Variants in SCHIP1 observed in about 807,000 individuals in gnomAD.
The protein encoded by SCHIP1 is schwannomin-interacting protein 1.
In SCHIP1, 8 loss-of-function variants were observed where a neutral mutation model predicts 29.7. The observed-to-expected ratio is 0.27, with a 90% CI of 0.16 to 0.49. The LOEUF is 0.49. Ranked by LOEUF, SCHIP1 falls within the 20% of genes least tolerant of loss-of-function variation. The probability of loss-of-function intolerance (pLI) is 0.99; values close to 1 mark genes in which losing one functional copy is unlikely to be tolerated. For synonymous variants in SCHIP1, 76 were observed against 94.9 expected (o/e 0.80, Z 1.16); for missense variants, 193 against 294.6 (o/e 0.66, Z 2.52).
At chr3:159,792,067 A>AT in the SCHIP1 span, among the ~76,000 whole-genome samples, 1 of 152,178 alleles carries the variant, frequency 6.6e-6, no homozygotes, top group Non-Finnish European at 1.5e-5. Context: ...TAGAAAAAAA[A>AT]TGACTCATTT....
the SCHIP1 span, among the ~76,000 whole-genome samples, chr3:159,346,661 A>G: frequency 6.6e-6 from 1 of 152,142 alleles, no homozygotes. Context: ...GAGAATAATA[A>G]TTTTGTTATG....
chr3:159,558,581 A>G, the SCHIP1 span, among the ~76,000 whole-genome samples: 1 of 152,182 alleles, frequency 6.6e-6, no homozygotes, highest in East Asian at 1.9e-4. Flanking sequence ...ATGGAGCTGG[A>G]GGAAAAGTGC....
the SCHIP1 span, among the ~76,000 whole-genome samples, chr3:159,688,152 T>C: frequency 6.6e-6 from 1 of 152,216 alleles, no homozygotes; most frequent in African/African-American, 2.4e-5. Flanking sequence ...TATTTCTAGT[T>C]GCAGATCCTT....
At chr3:159,405,049 G>C in the SCHIP1 span, among the ~76,000 whole-genome samples, 1 of 152,168 alleles carries the variant, frequency 6.6e-6, no homozygotes, top group South Asian at 2.1e-4. Context: ...GTACCTCTGT[G>C]AGTCTGTAGG....
chr3:159,896,651 T>A, intron 6 of SCHIP1, 72 bp from the exon 8 acceptor site: 1 of 1,443,532 alleles, frequency 6.9e-7, no homozygotes, highest in Non-Finnish European at 9.3e-7. Context: ...TGCAGGATGC[T>A]GTAGCTATTG....
chr3:159,281,429 TAA>T, the SCHIP1 span, among the ~76,000 whole-genome samples: 1 of 152,224 alleles, frequency 6.6e-6, no homozygotes, highest in Non-Finnish European at 1.5e-5. Flanking sequence ...CACATATATT[TAA>T]AAAATAATAT....
chr3:159,594,007 T>A, the SCHIP1 span, among the ~76,000 whole-genome samples: 1 of 152,210 alleles, frequency 6.6e-6, no homozygotes, highest in African/African-American at 2.4e-5. Flanking sequence ...ACCAAGATTA[T>A]TCACAAATTC....
the SCHIP1 span, among the ~76,000 whole-genome samples, chr3:159,304,629 T>C: frequency 6.6e-6 from 1 of 152,230 alleles, no homozygotes; most frequent in Non-Finnish European, 1.5e-5. Flanking sequence ...GTGTGTTGTC[T>C]CCTTTAAAGA....
At chr3:159,621,428 A>G in the SCHIP1 span, among the ~76,000 whole-genome samples, 1 of 152,216 alleles carries the variant, frequency 6.6e-6, no homozygotes, top group Non-Finnish European at 1.5e-5. Flanking sequence ...ACAGTTTTTA[A>G]TCTTTGCAAT....
At chr3:159,690,731 T>G in the SCHIP1 span, among the ~76,000 whole-genome samples, 1 of 152,240 alleles carries the variant, frequency 6.6e-6, no homozygotes, top group Admixed American at 6.5e-5. Context: ...CTGTGGGCAT[T>G]TAGTGCTATA....
At chr3:159,591,469 A>G in the SCHIP1 span, among the ~76,000 whole-genome samples, 2 of 152,198 alleles carry the variant, frequency 1.3e-5, no homozygotes, top group Non-Finnish European at 2.9e-5. Flanking sequence ...ACATGCACAC[A>G]TATGCTTATT....
the SCHIP1 span, among the ~76,000 whole-genome samples, chr3:159,531,585 A>G: frequency 6.6e-6 from 1 of 152,236 alleles, no homozygotes; most frequent in Non-Finnish European, 1.5e-5. Flanking sequence ...CAGTGACTAA[A>G]TGATCAAGAA....
chr3:159,354,879 A>G, the SCHIP1 span, among the ~76,000 whole-genome samples: 31 of 152,210 alleles, frequency 2.0e-4, no homozygotes, highest in Admixed American at 2.0e-3. Flanking sequence ...TGGCAGTATT[A>G]AAAGAAAAGA....
chr3:159,518,114 A>G, the SCHIP1 span, among the ~76,000 whole-genome samples: 1 of 152,272 alleles, frequency 6.6e-6, no homozygotes, highest in East Asian at 1.9e-4. Flanking sequence ...TTTTTGGGCA[A>G]AAAAAGAAGA....
At chr3:159,646,972 A>G in the SCHIP1 span, among the ~76,000 whole-genome samples, 1 of 152,116 alleles carries the variant, frequency 6.6e-6, no homozygotes, top group African/African-American at 2.4e-5. Context: ...ATCCATGTAG[A>G]TCTGGAACAC....
chr3:159,478,646 G>C, the SCHIP1 span, among the ~76,000 whole-genome samples: 1 of 152,080 alleles, frequency 6.6e-6, no homozygotes, highest in African/African-American at 2.4e-5. Flanking sequence ...AGATAGCATT[G>C]AATTTTAGAT....
At chr3:159,560,195 T>C in the SCHIP1 span, among the ~76,000 whole-genome samples, 1 of 152,204 alleles carries the variant, frequency 6.6e-6, no homozygotes, top group East Asian at 1.9e-4. Flanking sequence ...TTATCAATAA[T>C]ATTAATATCC....
At chr3:159,591,989 C>CAA in the SCHIP1 span, among the ~76,000 whole-genome samples, 5 of 120,980 alleles carry the variant, frequency 4.1e-5, no homozygotes, top group South Asian at 2.5e-4. Context: ...AGAAGACCCT[C>CAA]AAAAAAAAAA....
At chr3:159,274,457 A>G in the SCHIP1 span, 3 of 795,002 alleles carry the variant, frequency 3.8e-6, no homozygotes, top group African/African-American at 3.8e-5. Context: ...ATAACAGACA[A>G]TTTTATAAAA....
Sources: gnomAD v4.1 joint callset for allele counts (sites outside exome capture counted in the v4.1 genomes callset) on GRCh38, gnomAD v4.1.1 for gene constraint, MANE v1.5 for transcripts, NCBI Gene and HGNC (gene_info 2026-07-23, HGNC 2026-07-21) for gene names.